The following KDM4C variants were observed in gnomAD, a reference collection of about 807,000 sequenced individuals.
KDM4C encodes the protein lysine-specific demethylase 4C.
A neutral mutation model predicts 129.3 loss-of-function variants in KDM4C; 81 were observed. That is an observed-to-expected ratio of 0.63 (90% CI 0.52 to 0.75). The LOEUF is 0.75. KDM4C is among the 30% of genes least tolerant of loss of function. KDM4C has a pLI of 0.00. For synonymous variants in KDM4C, 573 were observed against 456.1 expected, an observed-to-expected ratio of 1.26 and a Z score of -3.26; for missense variants, 1,457 against 1,304.0, an observed-to-expected ratio of 1.12 and a Z score of -1.81.
At position 6,995,534 on chromosome 9, in the gene KDM4C, T is replaced by C. The variant is rs182437284; in HGVS notation, c.1786+5010T>C. Reference sequence around the variant, plus strand: ...TAGAATGTTTTCAAAGTATCATCTTTAGCACTCTTGGGATAATGCCTCCAA... The same window carrying C: ...TAGAATGTTTTCAAAGTATCATCTTCAGCACTCTTGGGATAATGCCTCCAA... On this transcript the variant is annotated intron_variant, in intron 12 of 21. Transcript: ENST00000381309. 2.2e-3 allele frequency among the ~76,000 whole-genome samples: 329 copies of C among 152,356 alleles called. 1 individual carries two copies. The highest frequency in any genetic ancestry group is 7.5e-3 in the African/African-American group (313 of 41,588).
At chr9:6,881,453 G>A (rs12350761) in intron 6 of KDM4C, among the ~76,000 whole-genome samples, 93,850 of 151,992 alleles carry the variant, frequency 0.62, 29,445 homozygotes, top group East Asian at 0.88. Context: ...ACTTAACTAC[G>A]TAGGAAGTGA....
intron 15 of KDM4C, among the ~76,000 whole-genome samples, chr9:7,030,879 C>T (rs1826609256): frequency 6.6e-6 from 1 of 151,936 alleles, no homozygotes; most frequent in African/African-American, 2.4e-5. Context: ...TGTAAGAGCA[C>T]TTTATAGGTT....
At chr9:6,925,608 A>G (rs1427496812) in intron 8 of KDM4C, 1 of 985,294 alleles carries the variant, frequency 1.0e-6, no homozygotes, top group African/African-American at 1.7e-5. Context: ...CTCAGTTCTA[A>G]AACCGTCTTG....
intron 8 of KDM4C, among the ~76,000 whole-genome samples, chr9:6,973,395 C>G (rs1832340000): frequency 6.6e-6 from 1 of 152,182 alleles, no homozygotes; most frequent in African/African-American, 2.4e-5. Context: ...AAGCATTACT[C>G]TCTTGGTCTA....
intron 5 of KDM4C, among the ~76,000 whole-genome samples, chr9:6,863,934 C>G (rs1228234406): frequency 1.3e-5 from 2 of 152,134 alleles, no homozygotes; most frequent in Non-Finnish European, 2.9e-5. Flanking sequence ...GATCCACCCC[C>G]ATGATGGAAA....
intron 8 of KDM4C, among the ~76,000 whole-genome samples, chr9:6,972,055 C>G (rs924720491): frequency 3.3e-5 from 5 of 151,980 alleles, no homozygotes; most frequent in African/African-American, 1.2e-4. Context: ...TAAAAAAATA[C>G]ACAAAATATG....
chr9:7,099,530 G>GA (rs962983688), intron 17 of KDM4C, among the ~76,000 whole-genome samples: 3 of 152,048 alleles, frequency 2.0e-5, no homozygotes, highest in African/African-American at 4.8e-5. Context: ...AAGAATAGGT[G>GA]AAAAAAAATC....
At chr9:7,058,114 C>G (rs754858562) in intron 17 of KDM4C, among the ~76,000 whole-genome samples, 3 of 152,152 alleles carry the variant, frequency 2.0e-5, no homozygotes, top group African/African-American at 4.8e-5. Context: ...GACAATCTCT[C>G]AGAAGGCATT....
intron 15 of KDM4C, among the ~76,000 whole-genome samples, chr9:7,024,898 G>A (rs974665410): frequency 1.3e-5 from 2 of 152,146 alleles, no homozygotes; most frequent in Admixed American, 1.3e-4. Context: ...AGATCCCTGA[G>A]GAATCGCCAC....
chr9:7,161,789 G>T (rs757920912), intron 19 of KDM4C, among the ~76,000 whole-genome samples: 3 of 152,194 alleles, frequency 2.0e-5, no homozygotes, highest in Non-Finnish European at 4.4e-5. Context: ...ACTTTGGAGA[G>T]ATCAGAGAAG....
At chr9:6,770,746 A>T (rs977414377) in intron 1 of KDM4C, among the ~76,000 whole-genome samples, 4 of 77,084 alleles carry the variant, frequency 5.2e-5, no homozygotes, top group Admixed American at 2.4e-4. Flanking sequence ...GGTATCGTAT[A>T]TGGTTTTTGC....
At chr9:6,887,607 C>T (rs1188051864) in intron 6 of KDM4C, among the ~76,000 whole-genome samples, 3 of 152,172 alleles carry the variant, frequency 2.0e-5, no homozygotes, top group Admixed American at 6.5e-5. Context: ...CAGCATCCCA[C>T]GTATTTATCT....
intron 15 of KDM4C, among the ~76,000 whole-genome samples, chr9:7,044,460 T>G (rs1829084525): frequency 6.6e-6 from 1 of 151,870 alleles, no homozygotes; most frequent in Non-Finnish European, 1.5e-5. Context: ...TTAGGTCTGG[T>G]GAAGGATACT....
intron 17 of KDM4C, among the ~76,000 whole-genome samples, chr9:7,079,714 G>A (rs182935747): frequency 6.6e-6 from 1 of 152,312 alleles, no homozygotes; most frequent in African/African-American, 2.4e-5. Flanking sequence ...GTGATTCTAT[G>A]TGTTTTGTAA....
intron 17 of KDM4C, among the ~76,000 whole-genome samples, chr9:7,053,638 C>G (rs1830508463): frequency 1.3e-5 from 2 of 152,154 alleles, no homozygotes; most frequent in African/African-American, 4.8e-5. Flanking sequence ...ATTTTAAATA[C>G]TTTAATAATT....
chr9:7,159,919 C>T (rs912629471), intron 19 of KDM4C, among the ~76,000 whole-genome samples: 1 of 152,176 alleles, frequency 6.6e-6, no homozygotes, highest in African/African-American at 2.4e-5. Context: ...ACTATCCTGA[C>T]GAGTGTTTTC....
At chr9:6,763,771 T>C (rs1820060545) in intron 1 of KDM4C, among the ~76,000 whole-genome samples, 1 of 152,188 alleles carries the variant, frequency 6.6e-6, no homozygotes, top group Middle Eastern at 3.2e-3. Flanking sequence ...CTTTTTCTTT[T>C]TTTGAGATAG....
chr9:6,771,685 C>T lies in KDM4C; in HGVS notation c.-18+13482C>T, dbSNP rs1239190881. On this transcript the variant is annotated intron_variant, in intron 1 of 21. Transcript: ENST00000381309. ...TAGTCTCCATGGCCTCCCATGAGTCCTTCTGATAGGACTAAATAGGCTGGA... is the reference window on the plus strand; with the variant it reads ...TAGTCTCCATGGCCTCCCATGAGTCTTTCTGATAGGACTAAATAGGCTGGA... Among the ~76,000 whole-genome samples, 6 of 152,140 alleles carry T rather than the reference C, an allele frequency of 3.9e-5. No individual in the cohort carries two copies. The East Asian group carries it at 1.2e-3, about 29-fold the overall frequency.
intron 19 of KDM4C, among the ~76,000 whole-genome samples, chr9:7,132,754 T>A (rs1339520668): frequency 3.3e-5 from 5 of 152,320 alleles, no homozygotes; most frequent in African/African-American, 1.2e-4. Flanking sequence ...AGCATGCACC[T>A]GTTTACAGTA....
Sources: allele counts gnomAD v4.1 joint callset (sites outside exome capture counted in the v4.1 genomes callset), GRCh38; gene constraint gnomAD v4.1.1; transcripts MANE v1.5; gene names NCBI Gene and HGNC (gene_info 2026-07-23, HGNC 2026-07-21).